The following YKT6 variants were observed in gnomAD, a reference collection of about 807,000 sequenced individuals.
The protein encoded by YKT6 is synaptobrevin homolog YKT6.
A neutral mutation model predicts 29.3 loss-of-function variants in YKT6; 12 were observed. That is an observed-to-expected ratio of 0.41 (90% CI 0.26 to 0.66). The LOEUF (loss-of-function observed/expected upper bound fraction) is 0.66. Ranked by LOEUF, YKT6 falls within the 30% of genes least tolerant of loss-of-function variation. The probability of loss-of-function intolerance (pLI) is 0.32; values close to 1 mark genes in which losing one functional copy is unlikely to be tolerated. For synonymous variants in YKT6, 86 were observed against 94.3 expected (o/e 0.91, Z 0.51); for missense variants, 188 against 243.8 (o/e 0.77, Z 1.52).
chr7:44,207,291 C>A (rs1279658876), intron 3 of YKT6, 97 bp from the exon 4 acceptor site: 1 of 970,052 alleles, frequency 1.0e-6, no homozygotes, highest in African/African-American at 1.6e-5. Context: ...GGCCAAGGAG[C>A]CTCATTCAGG....
chr7:44,201,118 G>A lies in YKT6; in HGVS notation c.-18G>A. On this transcript the variant is annotated 5_prime_UTR_variant, in exon 1 of 7. Transcript: ENST00000223369. The stretch of plus-strand genomic sequence containing the variant: ...GGTCCCGCAGCTGGGCAGGCGGGCG[G>A]CCTGAGGGCGCGGAGCCATGAAGCT... The A allele has an allele frequency of 6.4e-7, 1 of 1,562,262 alleles. No individual in the cohort carries two copies. The highest frequency in any genetic ancestry group is 1.9e-5 in the Admixed American group (1 of 52,058).
In YKT6 at chr7:44,204,626, A is replaced by T; in HGVS notation, c.163A>T (p.Thr55Ser). 6.2e-7 allele frequency: 1 copy of T among 1,614,240 alleles called. No homozygotes were observed. Among genetic ancestry groups the T allele is most frequent in the South Asian group, 1.1e-5 (1 of 91,088 alleles). Reference sequence around the variant, plus strand: ...GATTGTGGAGCGCTCATCGAAAGGCACTAGAGCTTCTGTCAAAGAACAAGG... The same window carrying T: ...GATTGTGGAGCGCTCATCGAAAGGCTCTAGAGCTTCTGTCAAAGAACAAGG... ...QLIVERSSKG[T>S]RASVKEQDYL... Residue 55 changes from threonine to serine, a missense_variant, in exon 2 of 7, where the codon ACT becomes TCT. Around this residue, in one of 3 missense-constraint regions of YKT6, gnomAD observed 71 missense variants for 67.3 expected, o/e 1.05. Transcript: ENST00000223369.
At chr7:44,207,329 C>A in intron 3 of YKT6, 59 bp from the exon 4 acceptor site, 3 of 1,497,884 alleles carry the variant, frequency 2.0e-6, no homozygotes, top group Non-Finnish European at 2.8e-6. Flanking sequence ...GAAGCCCTGT[C>A]ATTGAGACCA....
intron 3 of YKT6, among the ~76,000 whole-genome samples, 189 bp downstream of exon 3, chr7:44,206,674 G>A (rs902719348): frequency 6.6e-6 from 1 of 152,128 alleles, no homozygotes; most frequent in Non-Finnish European, 1.5e-5. Context: ...TTCCTCCCCG[G>A]TGCTGTCCCT....
Position 44,201,007 on chromosome 7 carries a change from G to C in YKT6, c.-129G>C, listed in dbSNP as rs1395512445. Reference sequence around the variant, plus strand: ...TGCGAGCCAGGAGGAGGAAGCCGGCGGTGGCCCCGTCAGCAGCCGGCTGCT... The same window carrying C: ...TGCGAGCCAGGAGGAGGAAGCCGGCCGTGGCCCCGTCAGCAGCCGGCTGCT... On this transcript the variant is annotated 5_prime_UTR_variant, in exon 1 of 7. Transcript: ENST00000223369. 4 of 670,648 alleles carry C rather than the reference G, an allele frequency of 6.0e-6. No individual in the cohort carries two copies. The East Asian group carries it at 9.9e-5, about 17-fold the overall frequency. The allele number at this position is 670,648 out of a possible 1,614,324, so 41.5% of individuals were successfully genotyped here.
intron 6 of YKT6, 28 bp downstream of exon 6, chr7:44,211,152 G>C: frequency 6.2e-7 from 1 of 1,604,910 alleles, no homozygotes; most frequent in Non-Finnish European, 8.5e-7. Context: ...GCTGCCTCCT[G>C]GGTGTTCTCT....
chr7:44,212,035 G>A (rs2096347349), intron 6 of YKT6, among the ~76,000 whole-genome samples: 1 of 152,232 alleles, frequency 6.6e-6, no homozygotes, highest in South Asian at 2.1e-4. Flanking sequence ...AAGGATCCCA[G>A]ACTAGTTTTG....
chr7:44,206,625 C>T (rs938024008), intron 3 of YKT6, 140 bp downstream of exon 3: 87 of 793,604 alleles, frequency 1.1e-4, no homozygotes, highest in African/African-American at 3.4e-5. Context: ...AGCCCCCTTC[C>T]CTGCAACCCA....
At position 44,211,027 on chromosome 7, in the gene YKT6, A is replaced by G. The variant is rs762715210; in HGVS notation, c.464A>G (p.Asn155Ser). 9 of 1,613,890 alleles carry G rather than the reference A, an allele frequency of 5.6e-6. No individual in the cohort carries two copies. The East Asian group carries it at 1.1e-4, about 20-fold the overall frequency. ...ELDETKIILHNTMESLLERGE... is the reference protein window; with the variant it reads ...ELDETKIILHSTMESLLERGE... ...TCTCTTTTCTTTTTTGTCCAGCACA[A>G]CACCATGGAGTCTCTGTTAGAGCGA... Residue 155 changes from asparagine to serine, a missense_variant, in exon 6 of 7, where the codon AAC (asparagine) becomes AGC (serine). Coordinates refer to ENST00000223369, the MANE Select transcript of YKT6 (RefSeq NM_006555.4).
At chr7:44,211,665 A>G in intron 6 of YKT6, 2 of 983,506 alleles carry the variant, frequency 2.0e-6, no homozygotes, top group South Asian at 4.5e-5. Flanking sequence ...GGATAGTCAT[A>G]GGGACAAATT....
intron 1 of YKT6, among the ~76,000 whole-genome samples, chr7:44,202,525 G>A (rs73315993): frequency 0.011 from 1,711 of 152,306 alleles, 29 homozygotes; most frequent in African/African-American, 0.039. Context: ...GAATCATATA[G>A]TTTTTGTGTG....
chr7:44,211,663 A>G, intron 6 of YKT6: 4 of 983,844 alleles, frequency 4.1e-6, no homozygotes, highest in Non-Finnish European at 4.9e-6. Context: ...TTGGATAGTC[A>G]TAGGGACAAA....
intron 1 of YKT6, among the ~76,000 whole-genome samples, chr7:44,204,251 C>T (rs1232665748): frequency 1.3e-5 from 2 of 152,184 alleles, no homozygotes; most frequent in Non-Finnish European, 2.9e-5. Context: ...CAGGACCTGC[C>T]TCTTGTTTTT....
chr7:44,201,039 C>A lies in YKT6; in HGVS notation c.-97C>A. The A allele has an allele frequency of 9.6e-7, 1 of 1,042,766 alleles. No individual in the cohort carries two copies. Among genetic ancestry groups the A allele is most frequent in the Non-Finnish European group, 1.3e-6 (1 of 746,968 alleles). The allele number at this position is 1,042,766 out of a possible 1,614,324, so 64.6% of individuals were successfully genotyped here. ...CCGTCAGCAGCCGGCTGCTGAGAGGCCGGTAGGCGGCGGCGGTCCCGAGGG... is the reference window on the plus strand; with the variant it reads ...CCGTCAGCAGCCGGCTGCTGAGAGGACGGTAGGCGGCGGCGGTCCCGAGGG... On this transcript the variant is annotated 5_prime_UTR_variant, in exon 1 of 7. Transcript: ENST00000223369.
At chr7:44,206,311 T>G in intron 2 of YKT6, 74 bp from the exon 3 acceptor site, 1 of 1,481,386 alleles carries the variant, frequency 6.8e-7, no homozygotes, top group Non-Finnish European at 9.4e-7. Context: ...ATTGGATGCT[T>G]TGATTTGGGG....
At chr7:44,204,000 T>C (rs2096338390) in intron 1 of YKT6, among the ~76,000 whole-genome samples, 1 of 152,184 alleles carries the variant, frequency 6.6e-6, no homozygotes, top group South Asian at 2.1e-4. Flanking sequence ...TCCCACTTCT[T>C]TGTCTTGGAT....
intron 5 of YKT6, among the ~76,000 whole-genome samples, chr7:44,209,228 C>T (rs966235792): frequency 2.0e-5 from 3 of 152,176 alleles, no homozygotes; most frequent in Admixed American, 6.5e-5. Context: ...TGTACATCAG[C>T]GTCTCCTGGG....
chr7:44,204,454 G>C (rs758051314), intron 1 of YKT6, 114 bp from the exon 2 acceptor site: 4 of 889,588 alleles, frequency 4.5e-6, no homozygotes, highest in Non-Finnish European at 7.0e-6. Flanking sequence ...GGGAGGGAAA[G>C]GAATGAAACC....
chr7:44,202,778 C>T lies in YKT6; in HGVS notation c.104+1539C>T, dbSNP rs1178772757. 2.0e-5 allele frequency among the ~76,000 whole-genome samples: 3 copies of T among 152,180 alleles called. 1 individual carries two copies. Among genetic ancestry groups the T allele is most frequent in the Non-Finnish European group, 4.4e-5 (3 of 68,042 alleles). ...CCTGCTCGCATTTTTTTGGTATTTA[C>T]CCAGAAGCGGAATTGCTGCATTATC... On this transcript the variant is annotated intron_variant, in intron 1 of 6. Coordinates refer to ENST00000223369, the MANE Select transcript of YKT6 (RefSeq NM_006555.4).
Sources: allele counts gnomAD v4.1 joint callset (sites outside exome capture counted in the v4.1 genomes callset), GRCh38; gene constraint gnomAD v4.1.1; regional missense constraint gnomAD v4.1.1; transcripts MANE v1.5; gene names NCBI Gene and HGNC (gene_info 2026-07-23, HGNC 2026-07-21).